The following CSMD2 variants were observed in gnomAD, a reference collection of about 807,000 sequenced individuals.
CSMD2 encodes the protein CUB and Sushi multiple domains 2, also known as CUB and sushi domain-containing protein 2.
A neutral mutation model predicts 398.5 loss-of-function variants in CSMD2; 130 were observed. The observed-to-expected ratio is 0.33, with a 90% CI of 0.28 to 0.38. The LOEUF (loss-of-function observed/expected upper bound fraction) is 0.38. CSMD2 is among the 10% of genes least tolerant of loss of function. The probability of loss-of-function intolerance (pLI) is 1.00; values close to 1 mark genes in which losing one functional copy is unlikely to be tolerated. For missense variants in CSMD2, 3,829 were observed against 4,764.9 expected (o/e 0.80, Z 5.78); for synonymous variants, 1,828 against 1,908.5 (o/e 0.96, Z 1.10).
At position 33,623,405 on chromosome 1, in the gene CSMD2, G is replaced by A. The variant is rs1557637977; in HGVS notation, c.5687C>T (p.Ala1896Val). 1 of 1,614,148 alleles carries A rather than the reference G, an allele frequency of 6.2e-7. No homozygotes were observed. Among genetic ancestry groups the A allele is most frequent in the South Asian group, 1.1e-5 (1 of 91,074 alleles). The change falls in exon 36 of 71, where the codon GCA becomes GTA. Residue 1896 changes from alanine to valine, a missense_variant. Physicochemically the swap from Ala to Val is moderately conservative, Grantham distance 64. Transcript: ENST00000373381. ...NWDSLEVFDGADNTVTMLGSF... is the reference protein window; with the variant it reads ...NWDSLEVFDGVDNTVTMLGSF... ...CCCCAGCATGGTTACAGTGTTATCT[G>A]CACCATCAAATACTTCCAGCGAGTC...
chr1:33,811,125 C>A (rs888272413), intron 9 of CSMD2, among the ~76,000 whole-genome samples: 3 of 152,074 alleles, frequency 2.0e-5, no homozygotes. Context: ...CCCCACTTAC[C>A]CCCACACCCC....
intron 21 of CSMD2, among the ~76,000 whole-genome samples, chr1:33,713,308 A>G (rs1007248594): frequency 2.6e-5 from 4 of 152,228 alleles, no homozygotes; most frequent in Non-Finnish European, 4.4e-5. Flanking sequence ...TCTCGGGCAC[A>G]GCTGACCTCA....
chr1:33,636,618 G>A lies in CSMD2; in HGVS notation c.4775-64C>T. 1 of 1,424,962 alleles carries A rather than the reference G, an allele frequency of 7.0e-7. No homozygotes were observed. Among genetic ancestry groups the A allele is most frequent in the Non-Finnish European group, 9.8e-7 (1 of 1,022,892 alleles). 88.3% of individuals were successfully genotyped at this position (1,424,962 alleles called of 1,614,324 possible). ...GGGCTCATGAGGAGGCTATTCTTGG[G>A]CTCCAGTGCCCATGAGGAGAACCCG... On this transcript the variant is annotated intron_variant, in intron 29 of 70. Coordinates refer to ENST00000373381, the MANE Select transcript of CSMD2 (RefSeq NM_001281956.2). This position sits in a 1 kb window ranked among gnomAD's most constrained non-coding sequence, Gnocchi z 4.8.
intron 10 of CSMD2, among the ~76,000 whole-genome samples, chr1:33,803,676 GT>G (rs1291165009): frequency 4.6e-5 from 7 of 152,144 alleles, no homozygotes; most frequent in Non-Finnish European, 8.8e-5. Flanking sequence ...TCTCTCATCT[GT>G]TTTCCCCTCC....
intron 26 of CSMD2, among the ~76,000 whole-genome samples, chr1:33,660,327 C>CG (rs1553166274): frequency 6.6e-6 from 1 of 151,322 alleles, no homozygotes; most frequent in Non-Finnish European, 1.5e-5. Flanking sequence ...TCCCGCTCAC[C>CG]TTTTTTTTTG....
chr1:33,757,581 A>C (rs1649214464), intron 13 of CSMD2, among the ~76,000 whole-genome samples: 1 of 152,148 alleles, frequency 6.6e-6, no homozygotes, highest in Admixed American at 6.5e-5. Flanking sequence ...CTCCAAAATA[A>C]ATTCTAGTAA....
chr1:33,856,924 G>A (rs1040811156), intron 5 of CSMD2, among the ~76,000 whole-genome samples: 2 of 151,718 alleles, frequency 1.3e-5, no homozygotes, highest in African/African-American at 4.8e-5. Context: ...CGCTCACAAA[G>A]TTCCCTCTAA....
At chr1:33,992,081 T>C (rs944716271) in intron 3 of CSMD2, among the ~76,000 whole-genome samples, 2 of 152,174 alleles carry the variant, frequency 1.3e-5, no homozygotes, top group Non-Finnish European at 2.9e-5. Flanking sequence ...TAAAATCTAA[T>C]GTTGGGAGAG....
At chr1:33,566,579 G>C (rs943916791) in intron 53 of CSMD2, among the ~76,000 whole-genome samples, 1 of 152,154 alleles carries the variant, frequency 6.6e-6, no homozygotes, top group Non-Finnish European at 1.5e-5. Context: ...AAGAGAAGCA[G>C]AAGGCTAAAA....
At chr1:33,600,626 G>C in intron 44 of CSMD2, 4 of 567,854 alleles carry the variant, frequency 7.0e-6, no homozygotes, top group Non-Finnish European at 1.2e-5. Flanking sequence ...TTGGGCTTCT[G>C]TGCCTCTCTG....
At chr1:34,104,104 G>T (rs145698390) in intron 1 of CSMD2, among the ~76,000 whole-genome samples, 1 of 152,194 alleles carries the variant, frequency 6.6e-6, no homozygotes, top group Non-Finnish European at 1.5e-5. Context: ...GTAAAGATTA[G>T]ATGCTTTTCT....
At chr1:33,745,752 C>T (rs1374984701) in intron 13 of CSMD2, among the ~76,000 whole-genome samples, 1 of 152,030 alleles carries the variant, frequency 6.6e-6, no homozygotes, top group East Asian at 1.9e-4. Flanking sequence ...AGAAAGAATT[C>T]GAGCCAAGGG....
chr1:33,589,842 A>C (rs1639311896), intron 44 of CSMD2, among the ~76,000 whole-genome samples: 1 of 152,202 alleles, frequency 6.6e-6, no homozygotes, highest in East Asian at 1.9e-4. Flanking sequence ...TTAGCCGTTA[A>C]TTATATTTTC....
intron 3 of CSMD2, among the ~76,000 whole-genome samples, chr1:34,010,627 CT>C (rs1032853586): frequency 2.7e-5 from 4 of 148,832 alleles, no homozygotes; most frequent in African/African-American, 9.9e-5. Context: ...TCTTTTTTTT[CT>C]TTTTTTTTGT....
intron 4 of CSMD2, among the ~76,000 whole-genome samples, chr1:33,927,472 T>C (rs1644166247): frequency 6.6e-6 from 1 of 152,186 alleles, no homozygotes; most frequent in South Asian, 2.1e-4. Context: ...CACCTGCATT[T>C]TCCCCTTTAA....
At chr1:33,584,785 CA>C (rs1638967554) in intron 46 of CSMD2, among the ~76,000 whole-genome samples, 1 of 151,140 alleles carries the variant, frequency 6.6e-6, no homozygotes, top group African/African-American at 2.4e-5. Flanking sequence ...GCATCTTGAA[CA>C]GAAAGGTCTC....
At chr1:33,986,764 C>T (rs1646371583) in intron 3 of CSMD2, among the ~76,000 whole-genome samples, 1 of 152,206 alleles carries the variant, frequency 6.6e-6, no homozygotes, top group Non-Finnish European at 1.5e-5. Context: ...ACACCTGGAG[C>T]GTAACTCAGG....
At chr1:33,709,020 C>A in intron 22 of CSMD2, 69 bp downstream of exon 22, 1 of 1,353,730 alleles carries the variant, frequency 7.4e-7, no homozygotes. Flanking sequence ...CACACAGAGA[C>A]AAAGGAGTGA....
intron 25 of CSMD2, among the ~76,000 whole-genome samples, chr1:33,690,781 G>T (rs1187219308): frequency 6.6e-6 from 1 of 152,128 alleles, no homozygotes; most frequent in Non-Finnish European, 1.5e-5. Context: ...TCAAACACTT[G>T]ACACTTGTTG....
Sources: allele counts gnomAD v4.1 joint callset (sites outside exome capture counted in the v4.1 genomes callset), GRCh38; gene constraint gnomAD v4.1.1; non-coding constraint Gnocchi (gnomAD v3.1); transcripts MANE v1.5; gene names NCBI Gene and HGNC (gene_info 2026-07-23, HGNC 2026-07-21).